The following UBN2 variants were observed in gnomAD, a reference collection of about 807,000 sequenced individuals.
The protein encoded by UBN2 is ubinuclein 2, also known as ubinuclein-2.
Under a neutral mutation model 120.2 loss-of-function variants are expected in UBN2, and 35 were observed. That is an observed-to-expected ratio of 0.29 (90% CI 0.22 to 0.39). The LOEUF is 0.39. Among genes scored for constraint, UBN2 ranks in the 10% least tolerant of loss-of-function variants. The pLI, the probability that UBN2 is intolerant of heterozygous loss-of-function variation, is 1.00. For synonymous variants in UBN2, 661 were observed against 648.7 expected, an observed-to-expected ratio of 1.02 and a Z score of -0.29; for missense variants, 1,693 against 1,663.2, an observed-to-expected ratio of 1.02 and a Z score of -0.31.
At chr7:139,278,418 G>A (rs1251944058) in intron 12 of UBN2, among the ~76,000 whole-genome samples, 3 of 152,118 alleles carry the variant, frequency 2.0e-5, no homozygotes, top group African/African-American at 7.2e-5. Flanking sequence ...CTGGCCTCAC[G>A]TGATCCGCCT....
chr7:139,245,121 T>TTTTG (rs1491233625), intron 2 of UBN2, among the ~76,000 whole-genome samples: 6 of 146,416 alleles, frequency 4.1e-5, no homozygotes, highest in African/African-American at 1.5e-4. Context: ...TTTTTTTTTT[T>TTTTG]GAAAAACAGG....
At position 139,293,401 on chromosome 7, in the gene UBN2, C is replaced by T; in HGVS notation, c.3839C>T (p.Thr1280Ile). The T allele has an allele frequency of 6.2e-7, 1 of 1,614,124 alleles. No individual in the cohort carries two copies. Among genetic ancestry groups the T allele is most frequent in the South Asian group, 1.1e-5 (1 of 91,088 alleles). ...PLEIFGFGTDTAGVTTTSGST... is the reference protein window; with the variant it reads ...PLEIFGFGTDIAGVTTTSGST... ...GAGATATTTGGCTTTGGAACGGACA[C>T]AGCTGGAGTGACAACCACCTCGGGA... Residue 1280 changes from threonine (T) to isoleucine (I), a missense_variant, in exon 16 of 18, where the codon ACA becomes ATA. By Grantham distance (89) the Thr-to-Ile change is moderately conservative (BLOSUM62 -1). Transcript: ENST00000473989.
intron 7 of UBN2, among the ~76,000 whole-genome samples, chr7:139,267,345 G>A (rs550924220): frequency 3.0e-4 from 46 of 152,188 alleles, no homozygotes; most frequent in African/African-American, 9.9e-4. Context: ...ATCAGCTTGG[G>A]GAACATAGTG....
chr7:139,239,473 G>A (rs1023237335), intron 2 of UBN2, among the ~76,000 whole-genome samples: 8 of 151,492 alleles, frequency 5.3e-5, no homozygotes, highest in African/African-American at 1.7e-4. Flanking sequence ...ATTCAGGTCG[G>A]AAGATTTATG....
intron 5 of UBN2, among the ~76,000 whole-genome samples, chr7:139,259,835 A>G (rs943180911): frequency 6.6e-6 from 1 of 152,118 alleles, no homozygotes; most frequent in East Asian, 1.9e-4. Context: ...TGCAACTCCC[A>G]TCTCCTGGGT....
In UBN2 at chr7:139,259,370, G is replaced by A. The variant is rs1163123551; in HGVS notation, c.905G>A (p.Gly302Glu). The A allele has an allele frequency of 1.9e-6, 3 of 1,613,150 alleles. No individual in the cohort carries two copies. Among genetic ancestry groups the A allele is most frequent in the East Asian group, 2.2e-5 (1 of 44,846 alleles). The change falls in exon 5 of 18, where the codon GGA becomes GAA. Residue 302 changes from glycine to glutamate, a missense_variant and splice_region_variant. By Grantham distance (98) the Gly-to-Glu change is moderately conservative. Transcript: ENST00000473989. ...AGGAAAAAAGTTCCCAAACAACTGG[G>A]GTACGTTAAATTAAACCTAAGAAGG... Reference protein sequence around the residue: ...KPRKKVPKQLGVVALNSHKSE... With the variant: ...KPRKKVPKQLEVVALNSHKSE...
rs2131088173 is a variant in UBN2, at chr7:139,302,595, G to A, written c.*4759G>A. ...AGCTACTTGGGAGGCTGAGGCAGGA[G>A]AATGACATAAACCCGGGAGGCGGAA... On this transcript the variant is annotated 3_prime_UTR_variant, in exon 18 of 18. Coordinates refer to ENST00000473989, the MANE Select transcript of UBN2 (RefSeq NM_173569.4). 6.6e-6 allele frequency: 1 copy of A among 152,434 alleles called. No homozygotes were observed. The highest frequency in any genetic ancestry group is 6.5e-5 in the Admixed American group (1 of 15,294). The allele number at this position is 152,434 out of a possible 1,614,324, so 9.4% of individuals were successfully genotyped here.
At position 139,302,805 on chromosome 7, in the gene UBN2, A is replaced by G. The variant is rs1798292474; in HGVS notation, c.*4969A>G. 6.9e-6 allele frequency: 1 copy of G among 145,880 alleles called. No homozygotes were observed. Among genetic ancestry groups the G allele is most frequent in the Non-Finnish European group, 1.5e-5 (1 of 65,508 alleles). The allele number at this position is 145,880 out of a possible 1,614,324, so 9.0% of individuals were successfully genotyped here. On this transcript the variant is annotated 3_prime_UTR_variant, in exon 18 of 18. Transcript: ENST00000473989. The stretch of plus-strand genomic sequence containing the variant: ...ACACACACACACACACACACACGTC[A>G]GTTACTACAAGTAAAATAAACTTAG...
At chr7:139,267,331 T>A (rs974279506) in intron 7 of UBN2, among the ~76,000 whole-genome samples, 1 of 152,048 alleles carries the variant, frequency 6.6e-6, no homozygotes, top group Non-Finnish European at 1.5e-5. Context: ...CTGAGGAATT[T>A]GAGATCAGCT....
At chr7:139,288,636 A>G (rs1365005535) in intron 15 of UBN2, among the ~76,000 whole-genome samples, 1 of 152,240 alleles carries the variant, frequency 6.6e-6, no homozygotes, top group East Asian at 1.9e-4. Flanking sequence ...TTTGCATTTC[A>G]AAAGTTTACT....
At chr7:139,285,673 GTATTA>G (rs1324601242) in intron 15 of UBN2, among the ~76,000 whole-genome samples, 1 of 152,008 alleles carries the variant, frequency 6.6e-6, no homozygotes, top group Non-Finnish European at 1.5e-5. Context: ...ATATTTTATT[GTATTA>G]TGTGTCTGAT....
Position 139,283,066 on chromosome 7 carries a change from G to A in UBN2, c.2161G>A (p.Val721Met), listed in dbSNP as rs757243252. ...KKDQKTPTSL[V>M]ASVSGPPTSS... Reference sequence around the variant, plus strand: ...GGACCAGAAAACTCCAACATCCCTGGTGGCTTCGGTTAGCGGTCCTCCAAC... The same window carrying A: ...GGACCAGAAAACTCCAACATCCCTGATGGCTTCGGTTAGCGGTCCTCCAAC... Residue 721 changes from valine to methionine, a missense_variant, in exon 15 of 18, where the codon GTG (valine) becomes ATG (methionine). Around this residue, in one of 5 missense-constraint regions of UBN2, gnomAD observed 837 missense variants for 817.6 expected, o/e 1.02. Transcript: ENST00000473989. 1.9e-6 allele frequency: 3 copies of A among 1,611,686 alleles called. No homozygotes were observed. The Admixed American group carries it at 5.0e-5, about 27-fold the overall frequency.
At chr7:139,270,832 C>T (rs1382360601) in intron 8 of UBN2, among the ~76,000 whole-genome samples, 1 of 152,116 alleles carries the variant, frequency 6.6e-6, no homozygotes, top group Non-Finnish European at 1.5e-5. Context: ...ACAACCTCCA[C>T]CTCCTGGGTT....
At chr7:139,239,559 T>G (rs1796258097) in intron 2 of UBN2, among the ~76,000 whole-genome samples, 1 of 146,616 alleles carries the variant, frequency 6.8e-6, no homozygotes, top group South Asian at 2.2e-4. Context: ...GTCTTTTTTT[T>G]TTTTTTTTTT....
chr7:139,266,418 TTAAA>T lies in UBN2; in HGVS notation c.1466+16_1466+19del, dbSNP rs1563214210. ...ATTCTTCTGGAGTAAGTAATTTTCT[TTAAA>T]AAAAAAAACCTTAAGAATGATACAT... On this transcript the variant is annotated intron_variant, in intron 7 of 17. Coordinates refer to ENST00000473989, the MANE Select transcript of UBN2 (RefSeq NM_173569.4). 3.5e-6 allele frequency: 5 copies of T among 1,414,474 alleles called. No individual in the cohort carries two copies. The South Asian group carries it at 6.3e-5, about 18-fold the overall frequency. 87.6% of individuals were successfully genotyped at this position (1,414,474 alleles called of 1,614,324 possible).
intron 2 of UBN2, among the ~76,000 whole-genome samples, chr7:139,248,899 C>A (rs1169420662): frequency 2.6e-5 from 4 of 152,066 alleles, no homozygotes; most frequent in Non-Finnish European, 5.9e-5. Flanking sequence ...AGGTCTCAGT[C>A]TGCAGACCTG....
At position 139,284,461 on chromosome 7, in the gene UBN2, A is replaced by T; in HGVS notation, c.3556A>T (p.Thr1186Ser). 1.9e-6 allele frequency: 3 copies of T among 1,614,174 alleles called. No individual in the cohort carries two copies. Among genetic ancestry groups the T allele is most frequent in the Non-Finnish European group, 2.5e-6 (3 of 1,180,038 alleles). ...CCTTAACTCAAGCGGAGCTAATAGG[A>T]CTAGTCTGTCTGGGGGAACAGGAAG... ...SNLNSSGANR[T>S]SLSGGTGSGT... is the part of the protein sequence containing the mutation. Residue 1186 changes from threonine (T) to serine (S), a missense_variant, in exon 15 of 18, where the codon ACT becomes TCT. Around this residue, in one of 5 missense-constraint regions of UBN2, gnomAD observed 837 missense variants for 817.6 expected, o/e 1.02. Coordinates refer to ENST00000473989, the MANE Select transcript of UBN2 (RefSeq NM_173569.4).
intron 7 of UBN2, among the ~76,000 whole-genome samples, chr7:139,268,386 C>G (rs1797160201): frequency 6.6e-6 from 1 of 152,008 alleles, no homozygotes; most frequent in Non-Finnish European, 1.5e-5. Context: ...TTGAGTTGCC[C>G]TTCTAAGAGA....
chr7:139,283,147 G>A lies in UBN2; in HGVS notation c.2242G>A (p.Glu748Lys). Residue 748 changes from glutamate (E) to lysine (K), a missense_variant, in exon 15 of 18, where the codon GAA (glutamate) becomes AAA (lysine). Physicochemically the swap from Glu to Lys is moderately conservative, Grantham distance 56. This residue lies in a region of UBN2 where 837 missense variants were observed against 817.6 expected (regional missense o/e 1.02). Transcript: ENST00000473989. ...TAGCTCTAGCTCTGCACCAGCCCAAGAAACCATCTGCCTCGACGACTCACT... is the reference window on the plus strand; with the variant it reads ...TAGCTCTAGCTCTGCACCAGCCCAAAAAACCATCTGCCTCGACGACTCACT... ...AASSSSAPAQETICLDDSLDE... is the reference protein window; with the variant it reads ...AASSSSAPAQKTICLDDSLDE... The A allele has an allele frequency of 6.2e-7, 1 of 1,612,314 alleles. No homozygotes were observed. The highest frequency in any genetic ancestry group is 8.5e-7 in the Non-Finnish European group (1 of 1,179,832).
Sources: gnomAD v4.1 joint callset for allele counts (sites outside exome capture counted in the v4.1 genomes callset) on GRCh38, gnomAD v4.1.1 for gene constraint, gnomAD v4.1.1 regional missense constraint, MANE v1.5 for transcripts, NCBI Gene and HGNC (gene_info 2026-07-23, HGNC 2026-07-21) for gene names.